TDRD9: variants seen among roughly 807,000 people sequenced by gnomAD.
TDRD9 encodes ATP-dependent RNA helicase TDRD9.
Under a neutral mutation model 172.6 loss-of-function variants are expected in TDRD9, and 124 were observed. The ratio of observed to expected loss-of-function variants is 0.72; its 90% confidence interval spans 0.62 to 0.83. The LOEUF is 0.83. Among genes scored for constraint, TDRD9 ranks in the 40% least tolerant of loss-of-function variants. TDRD9 has a pLI of 0.00. For synonymous variants in TDRD9, 619 were observed against 617.1 expected (o/e 1.00, Z -0.05); for missense variants, 1,479 against 1,714.1 (o/e 0.86, Z 2.42).
intron 22 of TDRD9, among the ~76,000 whole-genome samples, chr14:104,017,163 T>A (rs1208652889): frequency 2.6e-5 from 4 of 152,060 alleles, no homozygotes; most frequent in Admixed American, 1.3e-4. Flanking sequence ...TTCCCTCAGC[T>A]GTGCGCAAGA....
chr14:103,958,177 A>G (rs747393140), intron 2 of TDRD9, among the ~76,000 whole-genome samples: 10 of 152,214 alleles, frequency 6.6e-5, no homozygotes, highest in Non-Finnish European at 8.8e-5. Context: ...GAAATAAGTT[A>G]TCTGAAAGCC....
At chr14:104,031,470 T>G (rs916090850) in intron 29 of TDRD9, among the ~76,000 whole-genome samples, 2 of 128,414 alleles carry the variant, frequency 1.6e-5, no homozygotes. Context: ...TTTGACTAGT[T>G]TTTTTTTTTT....
chr14:103,940,742 T>G, intron 1 of TDRD9: 1 of 1,137,286 alleles, frequency 8.8e-7, no homozygotes, highest in Non-Finnish European at 1.2e-6. Context: ...TCACATCACT[T>G]TTTCTTATTC....
intron 32 of TDRD9, among the ~76,000 whole-genome samples, chr14:104,038,442 T>G (rs2035516305): frequency 6.6e-6 from 1 of 152,164 alleles, no homozygotes; most frequent in Non-Finnish European, 1.5e-5. Context: ...AGGAACTATG[T>G]CAGGGTACAC....
chr14:103,961,072 TTCTC>T (rs1259040184), intron 2 of TDRD9, among the ~76,000 whole-genome samples: 3 of 152,188 alleles, frequency 2.0e-5, no homozygotes, highest in African/African-American at 7.2e-5. Flanking sequence ...AGGGCCTTCT[TTCTC>T]TCAGTCCAGT....
At chr14:104,013,376 G>A (rs989366386) in intron 20 of TDRD9, among the ~76,000 whole-genome samples, 2 of 152,096 alleles carry the variant, frequency 1.3e-5, no homozygotes, top group Non-Finnish European at 2.9e-5. Context: ...CACTTACTTT[G>A]TTTTTAATCA....
At chr14:103,952,220 A>ATTTTT (rs61410445) in intron 1 of TDRD9, among the ~76,000 whole-genome samples, 1 of 32,320 alleles carries the variant, frequency 3.1e-5, no homozygotes, top group Non-Finnish European at 5.0e-5. Flanking sequence ...ATATATATAT[A>ATTTTT]TTTTTTTTTT....
At chr14:103,994,916 A>T (rs1437301034) in intron 11 of TDRD9, among the ~76,000 whole-genome samples, 1 of 151,020 alleles carries the variant, frequency 6.6e-6, no homozygotes, top group African/African-American at 2.4e-5. Context: ...ACACTGGTGC[A>T]CTCCAGCCTG....
intron 13 of TDRD9, among the ~76,000 whole-genome samples, chr14:104,003,400 A>G (rs1362104361): frequency 6.6e-6 from 1 of 152,206 alleles, no homozygotes; most frequent in African/African-American, 2.4e-5. Flanking sequence ...TTAATCCATA[A>G]TCAGTCAGAA....
At chr14:103,966,958 G>A in intron 5 of TDRD9, 127 bp downstream of exon 5, 1 of 898,720 alleles carries the variant, frequency 1.1e-6, no homozygotes, top group Non-Finnish European at 1.5e-6. Context: ...TTACTTTCTG[G>A]ACTTTTCTCA....
intron 30 of TDRD9, 106 bp downstream of exon 30, chr14:104,032,193 A>T (rs1393631971): frequency 1.1e-5 from 7 of 612,702 alleles, no homozygotes; most frequent in African/African-American, 4.0e-5. Flanking sequence ...GGAATGTGTT[A>T]TCTTTTCTTT....
rs1448295782 is a variant in TDRD9 at position 104,052,118 on chromosome 14, G to A, written c.*36G>A. The stretch of plus-strand genomic sequence containing the variant: ...AGGTGGCCTCCAGCACACCCCTCAG[G>A]AAGCTGTGGAGGCTGGATTCCAGGC... On this transcript the variant is annotated 3_prime_UTR_variant, in exon 36 of 36. Coordinates refer to ENST00000409874, the MANE Select transcript of TDRD9 (RefSeq NM_153046.3). 6.9e-7 allele frequency: 1 copy of A among 1,451,724 alleles called. No homozygotes were observed. 89.9% of individuals were successfully genotyped at this position (1,451,724 alleles called of 1,614,324 possible).
intron 1 of TDRD9, among the ~76,000 whole-genome samples, chr14:103,952,859 T>C (rs112560328): frequency 0.024 from 3,523 of 149,846 alleles, 78 homozygotes; most frequent in East Asian, 0.074. Context: ...CCTGCCTCAG[T>C]CTCCCGAGTA....
chr14:103,956,111 AATATATATATATATATATATATAT>A (rs1173008862), intron 2 of TDRD9, among the ~76,000 whole-genome samples: 1 of 18,364 alleles, frequency 5.4e-5, no homozygotes, highest in Admixed American at 9.0e-4. Context: ...AAAAAAAAAA[AATATATATATATATATATATATAT>A]ATATATATAT....
chr14:104,029,554 C>T (rs1433836258), intron 28 of TDRD9, among the ~76,000 whole-genome samples: 2 of 152,128 alleles, frequency 1.3e-5, no homozygotes, highest in African/African-American at 2.4e-5. Flanking sequence ...ATTCATTTAT[C>T]AGCTCTAAAA....
rs761458223 is a variant in TDRD9 at position 104,025,656 on chromosome 14, G to T, written c.2811G>T (p.Thr937=). 1.9e-6 allele frequency: 3 copies of T among 1,613,864 alleles called. No individual in the cohort carries two copies. Among genetic ancestry groups the T allele is most frequent in the African/African-American group, 1.3e-5 (1 of 74,908 alleles). The change falls in exon 26 of 36, where the codon ACG becomes ACT. Residue 937 remains threonine (T), a synonymous_variant. Transcript: ENST00000409874. ...TTACTGCTGAAATCAACCAACTGAC[G>T]CTGGTGCCCTTGCCCACTCACCCAC... ...KKLTAEINQL[T]LVPLPTHPHP... is the part of the protein sequence containing the mutation.
chr14:103,956,108 AAAAATATATATATATATAT>A (rs1324119294), intron 2 of TDRD9, among the ~76,000 whole-genome samples: 1 of 36,216 alleles, frequency 2.8e-5, no homozygotes, highest in African/African-American at 1.1e-4. Flanking sequence ...AAAAAAAAAA[AAAAATATATATATATATAT>A]ATATATATAT....
At chr14:103,962,880 A>T (rs76326676) in intron 2 of TDRD9, among the ~76,000 whole-genome samples, 199 bp from the exon 3 acceptor site, 3,368 of 151,818 alleles carry the variant, frequency 0.022, 143 homozygotes, top group Admixed American at 0.12. Context: ...CCAATCCACC[A>T]TTGATGGATA....
intron 9 of TDRD9, among the ~76,000 whole-genome samples, chr14:103,993,308 C>T (rs913256970): frequency 6.6e-6 from 1 of 152,148 alleles, no homozygotes; most frequent in African/African-American, 2.4e-5. Flanking sequence ...ATACTTTTTA[C>T]CTGCTAAACA....
Sources: allele counts gnomAD v4.1 joint callset (sites outside exome capture counted in the v4.1 genomes callset), GRCh38; gene constraint gnomAD v4.1.1; transcripts MANE v1.5; gene names NCBI Gene and HGNC (gene_info 2026-07-23, HGNC 2026-07-21).